NOL4: variants seen among roughly 807,000 people sequenced by gnomAD.
NOL4 encodes the protein cancer/testis antigen 125.
NOL4 carries 17 observed loss-of-function variants against 75.9 expected under a neutral mutation model. That is an observed-to-expected ratio of 0.22 (90% CI 0.15 to 0.34). The LOEUF is 0.34. Among genes scored for constraint, NOL4 ranks in the 10% least tolerant of loss-of-function variants. The pLI, the probability that NOL4 is intolerant of heterozygous loss-of-function variation, is 1.00. For missense variants in NOL4, 614 were observed against 793.5 expected, an observed-to-expected ratio of 0.77 and a Z score of 2.72; for synonymous variants, 292 against 289.9, an observed-to-expected ratio of 1.01 and a Z score of -0.07.
intron 8 of NOL4, among the ~76,000 whole-genome samples, chr18:33,943,570 A>T (rs1441278389): frequency 1.3e-5 from 2 of 151,972 alleles, no homozygotes; most frequent in Admixed American, 6.6e-5. Context: ...TGACAGGGCT[A>T]AAATAGAGTT....
At chr18:33,937,407 C>T (rs2068128313) in intron 9 of NOL4, among the ~76,000 whole-genome samples, 1 of 152,122 alleles carries the variant, frequency 6.6e-6, no homozygotes, top group South Asian at 2.1e-4. Context: ...TACATAATTA[C>T]ATCTCTACAT....
rs2066221833 is a variant in NOL4 at position 33,908,844 on chromosome 18, T to C, written c.1543-25420A>G. Among the ~76,000 whole-genome samples, 2 of 152,148 alleles carry C rather than the reference T, an allele frequency of 1.3e-5. 1 individual carries two copies. The highest frequency in any genetic ancestry group is 4.1e-4 in the South Asian group (2 of 4,834). On this transcript the variant is annotated intron_variant, in intron 9 of 10. Transcript: ENST00000261592. ...TAAGCCAGAATATGTGTGGGTGTTA[T>C]ATGGTGTATACATGAGGAAAATACT...
intron 1 of NOL4, among the ~76,000 whole-genome samples, chr18:34,132,489 A>G (rs1341414890): frequency 6.6e-6 from 1 of 152,184 alleles, no homozygotes. Flanking sequence ...TTAAAATCAC[A>G]TATTTGTGGA....
At chr18:34,080,662 G>C (rs1037983756) in intron 5 of NOL4, among the ~76,000 whole-genome samples, 4 of 152,088 alleles carry the variant, frequency 2.6e-5, no homozygotes, top group Non-Finnish European at 5.9e-5. Context: ...TAAGAGATGG[G>C]CTCTTGCTAC....
At chr18:33,864,467 G>A (rs2063333097) in intron 10 of NOL4, among the ~76,000 whole-genome samples, 1 of 152,108 alleles carries the variant, frequency 6.6e-6, no homozygotes, top group Non-Finnish European at 1.5e-5. Flanking sequence ...CAGTTCCCAA[G>A]AAGTTTCTCA....
At chr18:33,880,305 C>CTGTGTGTGTGTG (rs61306180) in intron 10 of NOL4, among the ~76,000 whole-genome samples, 20 of 144,488 alleles carry the variant, frequency 1.4e-4, no homozygotes, top group East Asian at 8.4e-4. Context: ...CAAAAGGGGT[C>CTGTGTGTGTGTG]TGTGTGTGTG....
chr18:33,921,866 T>C (rs2067060793), intron 9 of NOL4, among the ~76,000 whole-genome samples: 1 of 152,184 alleles, frequency 6.6e-6, no homozygotes, highest in Non-Finnish European at 1.5e-5. Context: ...CTTCCCCTTT[T>C]AGTAACTGTA....
chr18:33,939,651 T>G (rs2068328793), intron 9 of NOL4, among the ~76,000 whole-genome samples: 1 of 152,150 alleles, frequency 6.6e-6, no homozygotes, highest in South Asian at 2.1e-4. Context: ...TGAAGTTGCT[T>G]ATCAGCTTAA....
intron 5 of NOL4, among the ~76,000 whole-genome samples, chr18:34,079,216 T>A (rs570045456): frequency 6.6e-6 from 1 of 152,102 alleles, no homozygotes; most frequent in African/African-American, 2.4e-5. Context: ...AGGAGGCAAG[T>A]GTATTCTCCC....
intron 6 of NOL4, among the ~76,000 whole-genome samples, chr18:33,995,352 A>T (rs959289486): frequency 1.3e-4 from 20 of 151,798 alleles, no homozygotes; most frequent in African/African-American, 4.3e-4. Context: ...GGATACAAAC[A>T]TCCTCAACAA....
At chr18:34,208,978 G>C (rs2036318511) in intron 1 of NOL4, among the ~76,000 whole-genome samples, 1 of 151,992 alleles carries the variant, frequency 6.6e-6, no homozygotes, top group Admixed American at 6.6e-5. Context: ...GGGAGGCAGA[G>C]TCAGACGGAT....
chr18:34,052,508 T>C (rs1322151826), intron 5 of NOL4, among the ~76,000 whole-genome samples: 1 of 152,124 alleles, frequency 6.6e-6, no homozygotes, highest in African/African-American at 2.4e-5. Flanking sequence ...AAACAAACTT[T>C]GGAGTATCTG....
intron 7 of NOL4, among the ~76,000 whole-genome samples, 180 bp downstream of exon 7, chr18:33,958,059 A>C (rs2069792574): frequency 6.6e-6 from 1 of 152,180 alleles, no homozygotes; most frequent in Non-Finnish European, 1.5e-5. Flanking sequence ...TTGGCTTTAA[A>C]ATTCTAAACA....
intron 9 of NOL4, among the ~76,000 whole-genome samples, chr18:33,928,422 G>A (rs531913704): frequency 6.6e-6 from 1 of 152,050 alleles, no homozygotes; most frequent in South Asian, 2.1e-4. Context: ...AAACAGTAAA[G>A]TAGAATGAGT....
Position 33,957,396 on chromosome 18 carries a change from T to A in NOL4, c.1358A>T (p.Glu453Val), listed in dbSNP as rs1370808603. The stretch of plus-strand genomic sequence containing the variant: ...AGTACGTATACGTTTTCTGGCACGC[T>A]CTTGATACTCAGGGAATTGTCGCCT... ...SCRRQFPEYQ[E>V]RARKRIRTYL... is the part of the protein sequence containing the mutation. Residue 453 changes from glutamate to valine, a missense_variant, in exon 8 of 11, where the codon GAG (glutamate) becomes GTG (valine). This residue lies in a region of NOL4 where 52 missense variants were observed against 121.1 expected (regional missense o/e 0.43). Transcript: ENST00000261592. The A allele has an allele frequency of 6.2e-7, 1 of 1,613,808 alleles. No homozygotes were observed. Among genetic ancestry groups the A allele is most frequent in the Non-Finnish European group, 8.5e-7 (1 of 1,179,824 alleles).
chr18:33,887,882 G>A (rs1161354779), intron 9 of NOL4, among the ~76,000 whole-genome samples: 3 of 152,048 alleles, frequency 2.0e-5, no homozygotes, highest in Admixed American at 6.6e-5. Flanking sequence ...ATAAACATAC[G>A]TGTGCATGTG....
chr18:34,175,828 A>G (rs866409758), intron 1 of NOL4, among the ~76,000 whole-genome samples: 1 of 152,150 alleles, frequency 6.6e-6, no homozygotes, highest in African/African-American at 2.4e-5. Context: ...ATTAACAACT[A>G]TAAATACAAT....
intron 1 of NOL4, among the ~76,000 whole-genome samples, chr18:34,165,231 A>G (rs540323082): frequency 1.5e-5 from 2 of 132,130 alleles, no homozygotes; most frequent in South Asian, 4.7e-4. Context: ...CCTAAAACTT[A>G]AAGTATAATA....
intron 4 of NOL4, among the ~76,000 whole-genome samples, chr18:34,095,428 T>C (rs2078733452): frequency 6.6e-6 from 1 of 152,136 alleles, no homozygotes; most frequent in African/African-American, 2.4e-5. Context: ...AGATACACTA[T>C]ATTTACTTTC....
Sources: allele counts gnomAD v4.1 joint callset (sites outside exome capture counted in the v4.1 genomes callset), GRCh38; gene constraint gnomAD v4.1.1; regional missense constraint gnomAD v4.1.1; transcripts MANE v1.5; gene names NCBI Gene and HGNC (gene_info 2026-07-23, HGNC 2026-07-21).